Variants in ADAMTS17 observed in about 807,000 individuals in gnomAD.
ADAMTS17 encodes the protein ADAM metallopeptidase with thrombospondin type 1 motif 17.
Under a neutral mutation model 141.5 loss-of-function variants are expected in ADAMTS17, and 113 were observed. The observed-to-expected ratio is 0.80, with a 90% CI of 0.69 to 0.93. The LOEUF is 0.93. Among genes scored for constraint, ADAMTS17 ranks in the 40% least tolerant of loss-of-function variants. ADAMTS17 has a pLI of 0.00. For missense variants in ADAMTS17, 1,659 were observed against 1,517.9 expected, an observed-to-expected ratio of 1.09 and a Z score of -1.54; for synonymous variants, 768 against 630.6, an observed-to-expected ratio of 1.22 and a Z score of -3.27.
In ADAMTS17 at chr15:100,205,206, C is replaced by G. The variant is rs950666870; in HGVS notation, c.1076-5783G>C. 2.0e-5 allele frequency among the ~76,000 whole-genome samples: 3 copies of G among 152,270 alleles called. No individual in the cohort carries two copies. In the South Asian group the frequency reaches 6.2e-4, roughly 32 times the overall value. ...GGTAAGAGAATCACACGAGTCCCCACAGATGACTCGAGGGTCCCTGGGCTG... is the reference window on the plus strand; with the variant it reads ...GGTAAGAGAATCACACGAGTCCCCAGAGATGACTCGAGGGTCCCTGGGCTG... On this transcript the variant is annotated intron_variant, in intron 7 of 21. Coordinates refer to ENST00000268070, the MANE Select transcript of ADAMTS17 (RefSeq NM_139057.4).
chr15:100,289,731 G>C (rs1567493416), intron 3 of ADAMTS17, among the ~76,000 whole-genome samples: 1 of 152,248 alleles, frequency 6.6e-6, no homozygotes, highest in East Asian at 1.9e-4. Flanking sequence ...CAATAATTGT[G>C]ATTCATCGCA....
At chr15:100,104,101 G>A (rs1035863255) in intron 14 of ADAMTS17, among the ~76,000 whole-genome samples, 1 of 152,228 alleles carries the variant, frequency 6.6e-6, no homozygotes, top group Non-Finnish European at 1.5e-5. Context: ...GGCAAGCATA[G>A]CTGGGTCTCA....
At chr15:100,068,271 G>A (rs1263607970) in intron 15 of ADAMTS17, among the ~76,000 whole-genome samples, 1 of 152,062 alleles carries the variant, frequency 6.6e-6, no homozygotes, top group East Asian at 1.9e-4. Context: ...GAACTGGGTG[G>A]AGCCCACCGC....
chr15:100,072,720 C>G (rs144094526), intron 15 of ADAMTS17, among the ~76,000 whole-genome samples: 4,777 of 152,182 alleles, frequency 0.031, 265 homozygotes, highest in African/African-American at 0.11. Context: ...AAAGCTGAAA[C>G]TGGATCCCCT....
At chr15:100,173,977 C>G (rs79196444) in intron 8 of ADAMTS17, among the ~76,000 whole-genome samples, 2,637 of 152,352 alleles carry the variant, frequency 0.017, 79 homozygotes, top group African/African-American at 0.06. Context: ...TTCTCCTACT[C>G]TGAGCTGAGA....
chr15:99,983,716 G>A (rs1484843506), intron 20 of ADAMTS17, among the ~76,000 whole-genome samples: 1 of 152,140 alleles, frequency 6.6e-6, no homozygotes, highest in Admixed American at 6.5e-5. Flanking sequence ...AGCCCAAGAT[G>A]GGGTGAAATC....
chr15:100,012,220 T>C (rs1380753594), intron 18 of ADAMTS17, among the ~76,000 whole-genome samples: 1 of 152,250 alleles, frequency 6.6e-6, no homozygotes, highest in African/African-American at 2.4e-5. Context: ...TCATGTCCTT[T>C]GACCACTGTT....
intron 7 of ADAMTS17, among the ~76,000 whole-genome samples, chr15:100,224,212 A>C (rs1187994099): frequency 6.6e-6 from 1 of 152,138 alleles, no homozygotes; most frequent in African/African-American, 2.4e-5. Context: ...GGTATTAACC[A>C]TCATGGTGGG....
intron 8 of ADAMTS17, among the ~76,000 whole-genome samples, chr15:100,158,395 C>T (rs1313288132): frequency 6.6e-6 from 1 of 152,202 alleles, no homozygotes; most frequent in East Asian, 1.9e-4. Context: ...TTTACTTTCA[C>T]TCTCAGTATG....
At chr15:100,191,431 T>C (rs2040913089) in intron 8 of ADAMTS17, among the ~76,000 whole-genome samples, 1 of 152,128 alleles carries the variant, frequency 6.6e-6, no homozygotes, top group Non-Finnish European at 1.5e-5. Context: ...TCTGTTTGAG[T>C]TTCCCTCCCT....
intron 2 of ADAMTS17, among the ~76,000 whole-genome samples, chr15:100,340,374 G>A (rs1273377295): frequency 1.3e-5 from 2 of 152,176 alleles, no homozygotes; most frequent in African/African-American, 2.4e-5. Context: ...GGCAGGAATA[G>A]GGTTTATCAC....
intron 3 of ADAMTS17, among the ~76,000 whole-genome samples, chr15:100,325,090 A>C (rs191847633): frequency 6.6e-6 from 1 of 152,280 alleles, no homozygotes; most frequent in East Asian, 1.9e-4. Context: ...GACATTTATG[A>C]CGGTTCGCTT....
At chr15:99,985,200 C>G (rs976633744) in intron 20 of ADAMTS17, among the ~76,000 whole-genome samples, 4 of 152,238 alleles carry the variant, frequency 2.6e-5, no homozygotes, top group Admixed American at 6.5e-5. Flanking sequence ...CTCCTTTTTG[C>G]CCCTGCCCAG....
chr15:100,141,078 A>C (rs1433098703), intron 10 of ADAMTS17, among the ~76,000 whole-genome samples: 3 of 152,182 alleles, frequency 2.0e-5, no homozygotes, highest in African/African-American at 7.2e-5. Flanking sequence ...TGCACATGGC[A>C]AGGAAAATGA....
At chr15:100,161,859 T>C (rs7169427) in intron 8 of ADAMTS17, among the ~76,000 whole-genome samples, 3,885 of 152,264 alleles carry the variant, frequency 0.026, 156 homozygotes, top group African/African-American at 0.088. Context: ...TAGGCAGCAA[T>C]AGCATCAAAA....
rs2581362 is a variant in ADAMTS17, at chr15:99,973,319, T to C, written c.*1083A>G. 96,489 of 151,622 alleles carry C rather than the reference T, an allele frequency of 0.64. 30,873 individuals are homozygous for C. The highest frequency in any genetic ancestry group is 0.66 in the Non-Finnish European group (44,863 of 67,894). The allele number at this position is 151,622 out of a possible 1,614,324, so 9.4% of individuals were successfully genotyped here. A position where few individuals can be genotyped will look rare whatever the true frequency, so the allele number is the denominator to read the frequency against. ...CCAGATGGCGTTCCTCCCCTGGTCC[T>C]GGCACATCAGGCTGCTCCGTGCCAG... is the stretch of plus-strand genomic sequence containing the variant. On this transcript the variant is annotated 3_prime_UTR_variant, in exon 22 of 22. Transcript: ENST00000268070.
At chr15:100,234,712 C>T (rs996336469) in intron 7 of ADAMTS17, among the ~76,000 whole-genome samples, 1 of 152,232 alleles carries the variant, frequency 6.6e-6, no homozygotes, top group Non-Finnish European at 1.5e-5. Context: ...CTGCAACCAG[C>T]CCGTAAGGCA....
rs72770243 is a variant in ADAMTS17 at position 100,125,925 on chromosome 15, A to C, written c.1721+6082T>G. Among the ~76,000 whole-genome samples, 255 of 149,670 alleles carry C rather than the reference A, an allele frequency of 1.7e-3. 3 individuals carry two copies. Among genetic ancestry groups the C allele is most frequent in the Middle Eastern group, 0.01 (3 of 292 alleles). ...GACAGGGAGCAGAGCCAGGAATATA[A>C]AGTGAAGGGGGTGAGAAGGGGGTCG... On this transcript the variant is annotated intron_variant, in intron 12 of 21. Coordinates refer to ENST00000268070, the MANE Select transcript of ADAMTS17 (RefSeq NM_139057.4).
intron 8 of ADAMTS17, among the ~76,000 whole-genome samples, chr15:100,187,126 T>C (rs1185768726): frequency 6.6e-6 from 1 of 152,174 alleles, no homozygotes; most frequent in Non-Finnish European, 1.5e-5. Flanking sequence ...CTCCCACCGG[T>C]ACAAGGTGCA....
Sources: allele counts gnomAD v4.1 joint callset (sites outside exome capture counted in the v4.1 genomes callset), GRCh38; gene constraint gnomAD v4.1.1; transcripts MANE v1.5; gene names NCBI Gene and HGNC (gene_info 2026-07-23, HGNC 2026-07-21).